Variants in KDM4C observed in about 807,000 individuals in gnomAD.
KDM4C encodes the protein lysine demethylase 4C, also known as lysine-specific demethylase 4C.
A neutral mutation model predicts 129.3 loss-of-function variants in KDM4C; 81 were observed. The ratio of observed to expected loss-of-function variants is 0.63; its 90% CI spans 0.52 to 0.75. The LOEUF (loss-of-function observed/expected upper bound fraction) is 0.75. Among genes scored for constraint, KDM4C ranks in the 30% least tolerant of loss-of-function variants. The pLI, the probability that KDM4C is intolerant of heterozygous loss-of-function variation, is 0.00. For missense variants in KDM4C, 1,457 were observed against 1,304.0 expected (o/e 1.12, Z -1.81); for synonymous variants, 573 against 456.1 (o/e 1.26, Z -3.26).
At chr9:7,167,523 A>G (rs1323888308) in intron 20 of KDM4C, among the ~76,000 whole-genome samples, 1 of 152,224 alleles carries the variant, frequency 6.6e-6, no homozygotes, top group Non-Finnish European at 1.5e-5. Context: ...TGTTAAAGAA[A>G]TGTTTCTGCT....
In KDM4C at chr9:7,159,774, C is replaced by G. The variant is rs189894871; in HGVS notation, c.2782-5464C>G. ...TGGCTGCCCTTAACACTTTTTCCTT[C>G]ATTTCAACCTTGGTGAATCTGCCAA... is the stretch of plus-strand genomic sequence containing the variant. On this transcript the variant is annotated intron_variant, in intron 19 of 21. Transcript: ENST00000381309. Among the ~76,000 whole-genome samples the G allele has an allele frequency of 4.8e-3, 732 of 152,270 alleles. 4 individuals are homozygous for G. The highest frequency in any genetic ancestry group is 8.0e-3 in the Non-Finnish European group (544 of 68,030).
chr9:6,743,017 A>G (rs1488617051), intron 1 of KDM4C, among the ~76,000 whole-genome samples: 1 of 152,128 alleles, frequency 6.6e-6, no homozygotes, highest in East Asian at 1.9e-4. Flanking sequence ...TTTAAAAAAT[A>G]AAACAAAAAT....
chr9:7,149,933 G>C (rs1388743595), intron 19 of KDM4C, among the ~76,000 whole-genome samples: 1 of 152,162 alleles, frequency 6.6e-6, no homozygotes, highest in African/African-American at 2.4e-5. Flanking sequence ...TTTTATATTT[G>C]GAGCTTTCAG....
intron 18 of KDM4C, among the ~76,000 whole-genome samples, chr9:7,106,772 G>T (rs904931173): frequency 1.3e-5 from 2 of 152,090 alleles, no homozygotes; most frequent in Non-Finnish European, 2.9e-5. Context: ...CGGAGTTGTA[G>T]GTGTGATCCA....
chr9:7,049,057 A>G, intron 16 of KDM4C, 35 bp from the exon 17 acceptor site: 1 of 1,421,542 alleles, frequency 7.0e-7, no homozygotes, highest in Non-Finnish European at 9.9e-7. Context: ...AGTTTAGGGA[A>G]CTTTTGTTTA....
chr9:6,806,820 ATG>A (rs1300040148), intron 3 of KDM4C, among the ~76,000 whole-genome samples: 1 of 151,958 alleles, frequency 6.6e-6, no homozygotes. Context: ...AGGAAGCCAC[ATG>A]TCTTTCCTTG....
intron 19 of KDM4C, among the ~76,000 whole-genome samples, chr9:7,138,013 G>T (rs560925598): frequency 4.6e-5 from 7 of 152,162 alleles, no homozygotes; most frequent in African/African-American, 1.7e-4. Flanking sequence ...TTATTTAAAA[G>T]AAGTTAGTTA....
intron 10 of KDM4C, 85 bp from the exon 11 acceptor site, chr9:6,986,259 C>T (rs1817679330): frequency 1.1e-6 from 1 of 905,096 alleles, no homozygotes; most frequent in South Asian, 1.7e-5. Context: ...GTGTAAGATA[C>T]AGAATCATTT....
chr9:7,105,437 T>C (rs1837571283), intron 18 of KDM4C: 1 of 470,864 alleles, frequency 2.1e-6, no homozygotes, highest in African/African-American at 2.0e-5. Context: ...AAAATGAAAG[T>C]TGTATTGCTA....
At chr9:6,841,061 G>A (rs1836830451) in intron 4 of KDM4C, among the ~76,000 whole-genome samples, 1 of 152,166 alleles carries the variant, frequency 6.6e-6, no homozygotes, top group Admixed American at 6.5e-5. Context: ...AAGTTACGGG[G>A]TAGACCTGGA....
At chr9:7,168,492 GTGT>G (rs1274756486) in intron 20 of KDM4C, among the ~76,000 whole-genome samples, 2 of 152,058 alleles carry the variant, frequency 1.3e-5, no homozygotes, top group Non-Finnish European at 2.9e-5. Flanking sequence ...CTGTTAGCTG[GTGT>G]TATTTACCTT....
chr9:7,076,387 T>A, intron 17 of KDM4C: 1 of 1,334,562 alleles, frequency 7.5e-7, no homozygotes. Flanking sequence ...TATAATTTAT[T>A]AAAATCTGGC....
At chr9:6,985,910 T>C (rs1817610350) in intron 10 of KDM4C, among the ~76,000 whole-genome samples, 1 of 152,218 alleles carries the variant, frequency 6.6e-6, no homozygotes, top group Non-Finnish European at 1.5e-5. Flanking sequence ...AGGCTGATCT[T>C]GAACTTCTGG....
intron 15 of KDM4C, among the ~76,000 whole-genome samples, chr9:7,038,833 T>G (rs1454710671): frequency 6.6e-6 from 1 of 152,064 alleles, no homozygotes; most frequent in Non-Finnish European, 1.5e-5. Flanking sequence ...CTCATTCTTT[T>G]CCTTTTTCAT....
At chr9:7,142,396 G>C (rs1841835754) in intron 19 of KDM4C, among the ~76,000 whole-genome samples, 1 of 152,136 alleles carries the variant, frequency 6.6e-6, no homozygotes, top group Non-Finnish European at 1.5e-5. Context: ...TTACAGGTGT[G>C]AGCCACCACA....
chr9:7,096,973 C>T (rs1836513878), intron 17 of KDM4C, among the ~76,000 whole-genome samples: 1 of 152,160 alleles, frequency 6.6e-6, no homozygotes, highest in South Asian at 2.1e-4. Flanking sequence ...ACCTTTTCAG[C>T]CTGCCATCCC....
intron 1 of KDM4C, among the ~76,000 whole-genome samples, chr9:6,722,538 A>G (rs915025835): frequency 3.4e-5 from 5 of 146,462 alleles, no homozygotes; most frequent in South Asian, 2.2e-4. Flanking sequence ...TTTGAGATGG[A>G]GTTTTGCTCT....
At chr9:6,828,598 C>T (rs568783257) in intron 4 of KDM4C, among the ~76,000 whole-genome samples, 3 of 137,330 alleles carry the variant, frequency 2.2e-5, no homozygotes, top group Admixed American at 6.8e-5. Context: ...GGGCCAGGTG[C>T]GGTGGCTCAC....
At chr9:6,883,224 C>G (rs1844746528) in intron 6 of KDM4C, among the ~76,000 whole-genome samples, 1 of 152,178 alleles carries the variant, frequency 6.6e-6, no homozygotes. Context: ...TAAGCATTCA[C>G]TTAGCTGATA....
Sources: allele counts gnomAD v4.1 joint callset (sites outside exome capture counted in the v4.1 genomes callset), GRCh38; gene constraint gnomAD v4.1.1; transcripts MANE v1.5; gene names NCBI Gene and HGNC (gene_info 2026-07-23, HGNC 2026-07-21).